The following DCLK2 variants were observed in gnomAD, a reference collection of about 807,000 sequenced individuals.
DCLK2 encodes the protein serine/threonine-protein kinase DCLK2.
DCLK2 carries 31 observed loss-of-function variants against 78.4 expected under a neutral mutation model. The ratio of observed to expected loss-of-function variants is 0.40; its 90% confidence interval spans 0.30 to 0.53. The LOEUF is 0.53. DCLK2 is among the 20% of genes least tolerant of loss of function. The pLI, the probability that DCLK2 is intolerant of heterozygous loss-of-function variation, is 0.61. For synonymous variants in DCLK2, 407 were observed against 374.9 expected (o/e 1.09, Z -0.99); for missense variants, 872 against 973.7 (o/e 0.90, Z 1.39).
chr4:150,256,252 C>T lies in DCLK2; in HGVS notation c.*5C>T. 6.6e-7 allele frequency: 1 copy of T among 1,504,734 alleles called. No individual in the cohort carries two copies. The allele number at this position is 1,504,734 out of a possible 1,614,324, so 93.2% of individuals were successfully genotyped here. A position where few individuals can be genotyped will look rare whatever the true frequency, so the allele number is the denominator to read the frequency against. ...TGGCGCCGCCACCGAGACTGAGCCT[C>T]CTGCAGACGGGCGAAGCCGCCTGCT... is the stretch of plus-strand genomic sequence containing the variant. On this transcript the variant is annotated 3_prime_UTR_variant, in exon 16 of 16. Transcript: ENST00000296550.
At chr4:150,202,882 A>G (rs1269169584) in intron 4 of DCLK2, among the ~76,000 whole-genome samples, 1 of 152,186 alleles carries the variant, frequency 6.6e-6, no homozygotes, top group African/African-American at 2.4e-5. Context: ...TAATGATACA[A>G]TCAGGCATAA....
At chr4:150,253,165 T>C in intron 15 of DCLK2, 1 of 474,682 alleles carries the variant, frequency 2.1e-6, no homozygotes, top group Non-Finnish European at 4.3e-6. Context: ...CGGAACAGTT[T>C]TAAGTGTTTT....
chr4:150,183,158 A>G (rs891080280), intron 2 of DCLK2, among the ~76,000 whole-genome samples: 1 of 152,244 alleles, frequency 6.6e-6, no homozygotes, highest in Non-Finnish European at 1.5e-5. Flanking sequence ...TTAGATAAGT[A>G]GATGCCAGTT....
At chr4:150,168,134 G>A (rs1467373222) in intron 2 of DCLK2, among the ~76,000 whole-genome samples, 1 of 152,166 alleles carries the variant, frequency 6.6e-6, no homozygotes, top group Non-Finnish European at 1.5e-5. Context: ...ACGAGGTCAG[G>A]AGATCGAGAC....
At chr4:150,105,296 T>C (rs557911977) in intron 2 of DCLK2, among the ~76,000 whole-genome samples, 2 of 152,278 alleles carry the variant, frequency 1.3e-5, no homozygotes, top group South Asian at 4.1e-4. Flanking sequence ...TATGCTTTAA[T>C]ATTGAGTTTA....
At chr4:150,140,131 TC>T (rs1337515053) in intron 2 of DCLK2, among the ~76,000 whole-genome samples, 4 of 152,154 alleles carry the variant, frequency 2.6e-5, no homozygotes, top group Admixed American at 2.6e-4. Context: ...TAATTTTCCC[TC>T]CATAGAAAAC....
intron 5 of DCLK2, among the ~76,000 whole-genome samples, chr4:150,210,434 T>A (rs1740205944): frequency 6.6e-6 from 1 of 152,154 alleles, no homozygotes; most frequent in Non-Finnish European, 1.5e-5. Context: ...ACTTTTCCTC[T>A]CAACTCTCCC....
chr4:150,184,624 C>T (rs545712210), intron 2 of DCLK2, among the ~76,000 whole-genome samples: 5 of 136,530 alleles, frequency 3.7e-5, no homozygotes, highest in South Asian at 2.3e-4. Context: ...TTTTTTGAGA[C>T]GGAGTCTCAC....
intron 2 of DCLK2, among the ~76,000 whole-genome samples, chr4:150,179,622 A>C (rs956392335): frequency 2.0e-5 from 3 of 152,206 alleles, no homozygotes; most frequent in African/African-American, 7.2e-5. Context: ...CAGACAATCA[A>C]TTCCCGAAAA....
chr4:150,090,363 G>A (rs577110117), intron 1 of DCLK2, among the ~76,000 whole-genome samples: 18 of 152,246 alleles, frequency 1.2e-4, no homozygotes, highest in East Asian at 3.9e-4. Context: ...CCAAGATCGC[G>A]CCATTACACT....
At chr4:150,146,675 A>T (rs1412509535) in intron 2 of DCLK2, among the ~76,000 whole-genome samples, 1 of 152,170 alleles carries the variant, frequency 6.6e-6, no homozygotes, top group Admixed American at 6.6e-5. Context: ...GTCAGTGCCT[A>T]GCATAGTGCC....
At position 150,137,053 on chromosome 4, in the gene DCLK2, C is replaced by T. The variant is rs1432087995; in HGVS notation, c.756+34241C>T. ...AGGCTGTGCAGTGGTGCAGTCATAG[C>T]TCACTGCAGCCTTGAGCTCCTGGGC... On this transcript the variant is annotated intron_variant, in intron 2 of 15. Coordinates refer to ENST00000296550, the MANE Select transcript of DCLK2 (RefSeq NM_001040260.4). Among the ~76,000 whole-genome samples the T allele has an allele frequency of 2.3e-5, 3 of 131,976 alleles. No individual in the cohort carries two copies. In the East Asian group the frequency reaches 7.3e-4, roughly 32 times the overall value. 86.6% of individuals were successfully genotyped at this position (131,976 alleles called of 152,430 possible).
At chr4:150,128,127 G>A (rs1403584456) in intron 2 of DCLK2, among the ~76,000 whole-genome samples, 1 of 151,898 alleles carries the variant, frequency 6.6e-6, no homozygotes, top group Non-Finnish European at 1.5e-5. Flanking sequence ...GCGTAGGGTG[G>A]GGTATGCTAC....
chr4:150,249,658 A>G lies in DCLK2; in HGVS notation c.2047A>G (p.Thr683Ala). ...TAATGCGCTCCCCAAACAGAACAGCACTACCACCGGGGTCTCCGTCATCAT... is the reference window on the plus strand; with the variant it reads ...TAATGCGCTCCCCAAACAGAACAGCGCTACCACCGGGGTCTCCGTCATCAT... The part of the protein sequence containing the change: ...FNNALPKQNS[T>A]TTGVSVIMNT... The change falls in exon 15 of 16, where the codon ACT (threonine) becomes GCT (alanine). Residue 683 changes from threonine (T) to alanine (A), a missense_variant. Physicochemically the swap from Thr to Ala is moderately conservative, Grantham distance 58 (BLOSUM62 0). Transcript: ENST00000296550. 6.2e-7 allele frequency: 1 copy of G among 1,613,676 alleles called. No homozygotes were observed.
intron 4 of DCLK2, 45 bp downstream of exon 4, chr4:150,198,148 A>T (rs777033935): frequency 6.6e-7 from 1 of 1,511,690 alleles, no homozygotes; most frequent in South Asian, 1.2e-5. Flanking sequence ...GGAACAGATC[A>T]TTTTCCTTCT....
intron 12 of DCLK2, among the ~76,000 whole-genome samples, chr4:150,241,872 A>G (rs1742953379): frequency 1.3e-5 from 2 of 152,220 alleles, no homozygotes; most frequent in Admixed American, 1.3e-4. Flanking sequence ...ACCCTTAACA[A>G]TAGCATGGCT....
chr4:150,250,104 A>G (rs1177801687), intron 15 of DCLK2, among the ~76,000 whole-genome samples: 1 of 152,238 alleles, frequency 6.6e-6, no homozygotes, highest in East Asian at 1.9e-4. Context: ...AGAAACAGCC[A>G]AAGCTAAACA....
At chr4:150,202,056 C>G (rs1739494950) in intron 4 of DCLK2, among the ~76,000 whole-genome samples, 2 of 152,254 alleles carry the variant, frequency 1.3e-5, no homozygotes, top group African/African-American at 4.8e-5. Flanking sequence ...TACAATTAGC[C>G]TGCACCTAAG....
intron 1 of DCLK2, among the ~76,000 whole-genome samples, chr4:150,086,818 C>T (rs1194199588): frequency 6.6e-6 from 1 of 152,050 alleles, no homozygotes; most frequent in East Asian, 1.9e-4. Flanking sequence ...CAACCAGATT[C>T]TTTCATATTT....
Sources: gnomAD v4.1 joint callset for allele counts (sites outside exome capture counted in the v4.1 genomes callset) on GRCh38, gnomAD v4.1.1 for gene constraint, MANE v1.5 for transcripts, NCBI Gene and HGNC (gene_info 2026-07-23, HGNC 2026-07-21) for gene names.